TMCC1: variants seen among roughly 807,000 people sequenced by gnomAD.
The protein encoded by TMCC1 is transmembrane and coiled-coil domains protein 1.
TMCC1 carries 15 observed loss-of-function variants against 52.4 expected under a neutral mutation model. The observed-to-expected ratio is 0.29, with a 90% CI of 0.19 to 0.44. The LOEUF (loss-of-function observed/expected upper bound fraction) is 0.44. TMCC1 is among the 20% of genes least tolerant of loss of function. TMCC1 has a pLI of 1.00. For missense variants in TMCC1, 503 were observed against 806.0 expected (o/e 0.62, Z 4.55); for synonymous variants, 279 against 301.9 (o/e 0.92, Z 0.79).
intron 4 of TMCC1, among the ~76,000 whole-genome samples, chr3:129,752,038 A>C (rs1472827506): frequency 1.3e-5 from 2 of 152,168 alleles, no homozygotes; most frequent in African/African-American, 2.4e-5. Context: ...GCATAATCTA[A>C]AAGTTTGCAC....
chr3:129,820,086 A>G (rs1044403722), intron 4 of TMCC1, among the ~76,000 whole-genome samples: 16 of 144,178 alleles, frequency 1.1e-4, no homozygotes, highest in Admixed American at 6.4e-4. Flanking sequence ...TGAACTATCT[A>G]TTTCAGGCCT....
chr3:129,834,269 G>C (rs891748407), intron 2 of TMCC1, among the ~76,000 whole-genome samples: 1 of 152,148 alleles, frequency 6.6e-6, no homozygotes, highest in Non-Finnish European at 1.5e-5. Flanking sequence ...CTGTAAAGAG[G>C]TCAGATGGAC....
intron 4 of TMCC1, among the ~76,000 whole-genome samples, chr3:129,739,541 G>A (rs761559103): frequency 1.2e-4 from 19 of 152,172 alleles, no homozygotes; most frequent in African/African-American, 3.1e-4. Flanking sequence ...GTTTCTACAT[G>A]AGCTGAAGGA....
rs538126202 is a variant in TMCC1 at position 129,877,965 on chromosome 3, A to AT, written c.-184+2343dup. Among the ~76,000 whole-genome samples, 748 of 120,622 alleles carry AT rather than the reference A, an allele frequency of 6.2e-3. 6 individuals carry two copies. Among genetic ancestry groups the AT allele is most frequent in the Non-Finnish European group, 0.01 (567 of 56,462 alleles). The allele number at this position is 120,622 out of a possible 152,430, so 79.1% of individuals were successfully genotyped here. A position where few individuals can be genotyped will look rare whatever the true frequency, so the allele number is the denominator to read the frequency against. On this transcript the variant is annotated intron_variant, in intron 2 of 6. Transcript: ENST00000393238. ...TTTTAATGTTTTTATTTTTATTTTT[A>AT]TTTTTTTTTTGAGACAGAGTTTCGC...
chr3:129,804,567 T>C (rs2057361403), intron 4 of TMCC1, among the ~76,000 whole-genome samples: 2 of 152,236 alleles, frequency 1.3e-5, no homozygotes, highest in East Asian at 3.8e-4. Context: ...AGGAAAATTA[T>C]ACACAGAGTA....
chr3:129,888,211 A>G (rs996918928), intron 1 of TMCC1, among the ~76,000 whole-genome samples: 3 of 152,244 alleles, frequency 2.0e-5, no homozygotes, highest in African/African-American at 7.2e-5. Flanking sequence ...GAGGTTACAT[A>G]TAAGCAAGGT....
intron 4 of TMCC1, among the ~76,000 whole-genome samples, chr3:129,779,158 T>C (rs2055307994): frequency 6.6e-6 from 1 of 152,190 alleles, no homozygotes; most frequent in Non-Finnish European, 1.5e-5. Context: ...AGAATGGTCA[T>C]GTGCTTTCAG....
chr3:129,763,223 T>TA lies in TMCC1; in HGVS notation c.576+64579dup, dbSNP rs1560362033. Reference sequence around the variant, plus strand: ...AAAAAATAAAAAATAAATAAATAAATAAATAAATAAATAAATAAATAAATA... The same window carrying TA: ...AAAAAATAAAAAATAAATAAATAAATAAAATAAATAAATAAATAAATAAATA... On this transcript the variant is annotated intron_variant, in intron 4 of 6. Transcript: ENST00000393238. Among the ~76,000 whole-genome samples the TA allele has an allele frequency of 3.5e-4, 44 of 124,250 alleles. 3 individuals carry two copies. The highest frequency in any genetic ancestry group is 1.4e-3 in the African/African-American group (43 of 29,848). The allele number at this position is 124,250 out of a possible 152,430, so 81.5% of individuals were successfully genotyped here. A position where few individuals can be genotyped will look rare whatever the true frequency, so the allele number is the denominator to read the frequency against.
At chr3:129,740,061 C>T (rs1353226196) in intron 4 of TMCC1, among the ~76,000 whole-genome samples, 1 of 152,224 alleles carries the variant, frequency 6.6e-6, no homozygotes, top group Non-Finnish European at 1.5e-5. Context: ...CCCAGTCCTG[C>T]CATTTCAGAG....
intron 4 of TMCC1, among the ~76,000 whole-genome samples, chr3:129,742,421 G>A (rs1576651736): frequency 6.6e-6 from 1 of 152,180 alleles, no homozygotes; most frequent in Non-Finnish European, 1.5e-5. Context: ...TGAACAGACA[G>A]TTCTTCCAAG....
chr3:129,758,361 G>A (rs1480808290), intron 4 of TMCC1, among the ~76,000 whole-genome samples: 5 of 152,134 alleles, frequency 3.3e-5, no homozygotes, highest in Non-Finnish European at 1.5e-5. Context: ...TTGTACAGGT[G>A]GATACATAAT....
chr3:129,817,465 C>A (rs2058155622), intron 4 of TMCC1, among the ~76,000 whole-genome samples: 1 of 152,096 alleles, frequency 6.6e-6, no homozygotes, highest in Non-Finnish European at 1.5e-5. Context: ...TTAATAATAT[C>A]TGTGAACTTT....
At chr3:129,870,995 A>C (rs2060902530) in intron 2 of TMCC1, among the ~76,000 whole-genome samples, 1 of 151,962 alleles carries the variant, frequency 6.6e-6, no homozygotes, top group Non-Finnish European at 1.5e-5. Flanking sequence ...GCCAAATCAT[A>C]CAACTTACCT....
chr3:129,731,249 T>C (rs576529822), intron 4 of TMCC1, among the ~76,000 whole-genome samples: 12 of 152,288 alleles, frequency 7.9e-5, no homozygotes, highest in African/African-American at 2.6e-4. Context: ...AGGAAAAGCA[T>C]TTGAGAAAAG....
At chr3:129,688,021 A>G (rs1410122541) in intron 4 of TMCC1, among the ~76,000 whole-genome samples, 1 of 152,226 alleles carries the variant, frequency 6.6e-6, no homozygotes, top group East Asian at 1.9e-4. Flanking sequence ...CAACTGAATG[A>G]CCACAAGTTA....
In TMCC1 at chr3:129,759,370, C is replaced by T. The variant is rs537076600; in HGVS notation, c.576+68433G>A. Among the ~76,000 whole-genome samples, 22 of 151,170 alleles carry T rather than the reference C, an allele frequency of 1.5e-4. No individual in the cohort carries two copies. In the South Asian group the frequency reaches 3.8e-3, roughly 26 times the overall value. ...GCAACCTGGGCCTCCTGGTTTCAAG[C>T]GATTCTCCTGCCTCATCCTCCCAAG... On this transcript the variant is annotated intron_variant, in intron 4 of 6. Transcript: ENST00000393238.
intron 4 of TMCC1, among the ~76,000 whole-genome samples, chr3:129,738,953 A>G (rs1464605966): frequency 6.6e-6 from 1 of 152,034 alleles, no homozygotes; most frequent in Non-Finnish European, 1.5e-5. Context: ...ACTACCTGGG[A>G]CTACAGGCAC....
chr3:129,735,113 G>C (rs1488390154), intron 4 of TMCC1, among the ~76,000 whole-genome samples: 2 of 152,034 alleles, frequency 1.3e-5, no homozygotes, highest in Non-Finnish European at 1.5e-5. Flanking sequence ...GTGTTAGCCA[G>C]GCTGGTCTCT....
chr3:129,701,599 G>A (rs766098424), intron 4 of TMCC1, among the ~76,000 whole-genome samples: 11 of 152,196 alleles, frequency 7.2e-5, no homozygotes, highest in Non-Finnish European at 1.5e-4. Context: ...GAACCAATTA[G>A]TTCAGAAAGG....
Sources: allele counts gnomAD v4.1 joint callset (sites outside exome capture counted in the v4.1 genomes callset), GRCh38; gene constraint gnomAD v4.1.1; transcripts MANE v1.5; gene names NCBI Gene and HGNC (gene_info 2026-07-23, HGNC 2026-07-21).